MORN5: variants seen among roughly 807,000 people sequenced by gnomAD.
MORN5 encodes MORN repeat containing 5, also known as MORN repeat-containing protein 5.
A neutral mutation model predicts 22.1 loss-of-function variants in MORN5; 21 were observed. That is an observed-to-expected ratio of 0.95 (90% CI 0.67 to 1.37). MORN5 has a LOEUF of 1.37. Among genes scored for constraint, MORN5 ranks in the 40% most tolerant of loss-of-function variants. The probability of loss-of-function intolerance (pLI) is 0.00; values close to 1 mark genes in which losing one functional copy is unlikely to be tolerated. For synonymous variants in MORN5, 73 were observed against 74.0 expected, an observed-to-expected ratio of 0.99 and a Z score of 0.07; for missense variants, 211 against 215.1, an observed-to-expected ratio of 0.98 and a Z score of 0.12.
At chr9:122,174,770 A>T in intron 4 of MORN5, 143 bp downstream of exon 4, 1 of 1,559,568 alleles carries the variant, frequency 6.4e-7, no homozygotes, top group African/African-American at 1.4e-5. Flanking sequence ...TGGATGTTTT[A>T]TTTTTTGGAC....
intron 3 of MORN5, among the ~76,000 whole-genome samples, chr9:122,172,653 C>T (rs80257718): frequency 0.015 from 2,231 of 152,296 alleles, 27 homozygotes; most frequent in Non-Finnish European, 0.021. Context: ...ATGACCTCCT[C>T]CCAGGGCTTG....
chr9:122,189,326 T>TG (rs1829707802), intron 4 of MORN5, among the ~76,000 whole-genome samples: 1 of 151,944 alleles, frequency 6.6e-6, no homozygotes, highest in Non-Finnish European at 1.5e-5. Context: ...GGGCCAGGCT[T>TG]GGTGTGCCTG....
At chr9:122,163,380 G>T (rs1381912559) in intron 1 of MORN5, among the ~76,000 whole-genome samples, 9 of 152,302 alleles carry the variant, frequency 5.9e-5, no homozygotes, top group Middle Eastern at 3.4e-3. Flanking sequence ...AACCCAGGTC[G>T]ATCAGACTGT....
chr9:122,180,514 G>T (rs1374561072), intron 4 of MORN5, among the ~76,000 whole-genome samples: 2 of 152,100 alleles, frequency 1.3e-5, no homozygotes, highest in Non-Finnish European at 2.9e-5. Context: ...TCGAACTCCT[G>T]ACCTCAGGTG....
chr9:122,163,542 G>A (rs558321183), intron 1 of MORN5, among the ~76,000 whole-genome samples: 84 of 152,208 alleles, frequency 5.5e-4, no homozygotes, highest in Non-Finnish European at 9.8e-4. Context: ...GGAGATGCAA[G>A]GTGAAGAATT....
At chr9:122,192,144 C>G (rs1023617613) in intron 4 of MORN5, among the ~76,000 whole-genome samples, 1 of 152,234 alleles carries the variant, frequency 6.6e-6, no homozygotes. Context: ...GTCGGTGGCT[C>G]AGCATCGGAT....
At chr9:122,199,502 C>CT (rs1172822013) in intron 4 of MORN5, among the ~76,000 whole-genome samples, 1 of 152,092 alleles carries the variant, frequency 6.6e-6, no homozygotes, top group East Asian at 1.9e-4. Context: ...TCTCAGGACT[C>CT]TGTCTCCTAG....
chr9:122,193,510 G>A lies in MORN5; in HGVS notation c.440-6375G>A, dbSNP rs546433571. On this transcript the variant is annotated intron_variant, in intron 4 of 4. Transcript: ENST00000373764. Reference sequence around the variant, plus strand: ...TGAGGCAGGAGAATCGCTTGAACCCGGGAGGCGGGGGTTGCAGTGAACCAA... The same window carrying A: ...TGAGGCAGGAGAATCGCTTGAACCCAGGAGGCGGGGGTTGCAGTGAACCAA... 6.6e-5 allele frequency among the ~76,000 whole-genome samples: 10 copies of A among 152,338 alleles called. No homozygotes were observed. In the South Asian group the frequency reaches 8.3e-4, roughly 13 times the overall value.
rs145108771 is a variant in MORN5, at chr9:122,164,098, A to C, written c.48-2670A>C. Among the ~76,000 whole-genome samples, 14 of 152,358 alleles carry C rather than the reference A, an allele frequency of 9.2e-5. No homozygotes were observed. In the East Asian group the frequency reaches 2.7e-3, roughly 29 times the overall value. ...GTAATCATATCCTTATTATGGATTG[A>C]AGCCTTCACTATAAAGTGGTTTTTT... is the stretch of plus-strand genomic sequence containing the variant. On this transcript the variant is annotated intron_variant, in intron 1 of 4. Transcript: ENST00000373764.
intron 4 of MORN5, among the ~76,000 whole-genome samples, chr9:122,182,398 G>T (rs1302706640): frequency 6.6e-6 from 1 of 152,238 alleles, no homozygotes; most frequent in East Asian, 1.9e-4. Flanking sequence ...CCACAGCTCA[G>T]CTGGGAAAGG....
chr9:122,198,844 A>C (rs1427492222), intron 4 of MORN5, among the ~76,000 whole-genome samples: 1 of 152,250 alleles, frequency 6.6e-6, no homozygotes, highest in Admixed American at 6.5e-5. Flanking sequence ...CACAGCAACA[A>C]GAATAGATCT....
chr9:122,175,768 A>G, intron 4 of MORN5: 1 of 916,620 alleles, frequency 1.1e-6, no homozygotes, highest in South Asian at 5.0e-5. Flanking sequence ...CTATAGGGAA[A>G]TTTACTCAGT....
intron 4 of MORN5, among the ~76,000 whole-genome samples, chr9:122,189,336 G>A (rs1244889436): frequency 1.3e-5 from 2 of 152,182 alleles, no homozygotes; most frequent in Non-Finnish European, 2.9e-5. Context: ...TGGTGTGCCT[G>A]TAATCCCAGC....
intron 3 of MORN5, among the ~76,000 whole-genome samples, chr9:122,171,686 T>C (rs569457897): frequency 6.6e-6 from 1 of 152,242 alleles, no homozygotes; most frequent in Admixed American, 6.5e-5. Flanking sequence ...GTCATGCCCA[T>C]CCACCTAGGT....
At chr9:122,164,660 G>A (rs1829249987) in intron 1 of MORN5, 1 of 984,982 alleles carries the variant, frequency 1.0e-6, no homozygotes, top group Non-Finnish European at 1.2e-6. Context: ...AAGAAAAGGG[G>A]TGGGGTCTAA....
At chr9:122,190,093 G>A (rs1757678886) in intron 4 of MORN5, among the ~76,000 whole-genome samples, 1 of 151,918 alleles carries the variant, frequency 6.6e-6, no homozygotes, top group Non-Finnish European at 1.5e-5. Context: ...ACACAGAGAT[G>A]TTAATGAGGA....
chr9:122,175,902 C>T (rs1829443456), intron 4 of MORN5, among the ~76,000 whole-genome samples: 1 of 151,852 alleles, frequency 6.6e-6, no homozygotes, highest in Non-Finnish European at 1.5e-5. Context: ...ATCATGAGGT[C>T]AGGAGATCGA....
Position 122,159,996 on chromosome 9 carries a change from T to C in MORN5, c.24T>C (p.Tyr8=), listed in dbSNP as rs750060534. Residue 8 remains tyrosine (Y), a synonymous_variant, in exon 1 of 5, where the codon TAT becomes TAC. Transcript: ENST00000373764. MEYTGSK[Y]IGEYVDGRME... ...CCATGGAGTACACAGGGAGCAAATA[T>C]ATCGGGGAATATGTAGATGGGAGGT... 7 of 1,613,968 alleles carry C rather than the reference T, an allele frequency of 4.3e-6. No individual in the cohort carries two copies. The highest frequency in any genetic ancestry group is 1.1e-5 in the South Asian group (1 of 91,080).
chr9:122,166,635 G>T, intron 1 of MORN5, 133 bp from the exon 2 acceptor site: 1 of 798,526 alleles, frequency 1.3e-6, no homozygotes, highest in Non-Finnish European at 1.9e-6. Context: ...CAAAAATTTT[G>T]TTTTCAGCAG....
Sources: allele counts gnomAD v4.1 joint callset (sites outside exome capture counted in the v4.1 genomes callset), GRCh38; gene constraint gnomAD v4.1.1; transcripts MANE v1.5; gene names NCBI Gene and HGNC (gene_info 2026-07-23, HGNC 2026-07-21).